Variants in STK11 observed in about 807,000 individuals in gnomAD.
The protein encoded by STK11 is serine/threonine-protein kinase STK11.
In STK11, 8 loss-of-function variants were observed where a neutral mutation model predicts 47.3. The observed-to-expected ratio is 0.17, with a 90% CI of 0.10 to 0.31. STK11 has a LOEUF of 0.31. Ranked by LOEUF, STK11 falls within the 10% of genes least tolerant of loss-of-function variation. The pLI, the probability that STK11 is intolerant of heterozygous loss-of-function variation, is 1.00. For missense variants in STK11, 475 were observed against 605.0 expected (o/e 0.79, Z 2.25); for synonymous variants, 330 against 255.8 (o/e 1.29, Z -2.77).
Position 1,206,678 on chromosome 19 carries a change from C to T in STK11, c.-236C>T, listed in dbSNP as rs1301575650. ...CGTCTGAGCCGCCGTCCCGGACCCC[C>T]GGTGCCCGCCGGTCCGCAGACCCTG... On this transcript the variant is annotated 5_prime_UTR_variant, in exon 1 of 10. Coordinates refer to ENST00000326873, the MANE Select transcript of STK11 (RefSeq NM_000455.5). The T allele has an allele frequency of 1.8e-6, 1 of 570,060 alleles. No individual in the cohort carries two copies. Among genetic ancestry groups the T allele is most frequent in the Non-Finnish European group, 3.0e-6 (1 of 334,644 alleles). 35.3% of individuals were successfully genotyped at this position (570,060 alleles called of 1,614,324 possible).
chr19:1,215,613 C>T (rs544603420), intron 1 of STK11, among the ~76,000 whole-genome samples: 3 of 152,236 alleles, frequency 2.0e-5, no homozygotes, highest in African/African-American at 7.2e-5. Flanking sequence ...TGAGGTTGCC[C>T]TGAGGGCAGT....
chr19:1,225,003 G>A (rs1194107298), intron 8 of STK11: 14 of 985,314 alleles, frequency 1.4e-5, no homozygotes, highest in African/African-American at 1.7e-5. Context: ...CTGCTGCATC[G>A]GCCTCTGCGT....
At chr19:1,207,284 C>T (rs530032355) in intron 1 of STK11, 81 bp downstream of exon 1, 1,779 of 1,490,426 alleles carry the variant, frequency 1.2e-3, no homozygotes, top group Non-Finnish European at 1.5e-3. Flanking sequence ...TTCTCTCCTC[C>T]CTCCCTCCCT....
At chr19:1,218,841 G>A (rs1380108435) in intron 2 of STK11, among the ~76,000 whole-genome samples, 2 of 152,214 alleles carry the variant, frequency 1.3e-5, no homozygotes, top group Admixed American at 6.5e-5. Context: ...GTGGCTGGGC[G>A]TGTCCTCGTG....
intron 8 of STK11, chr19:1,224,152 C>T (rs2080805153): frequency 2.0e-6 from 2 of 987,534 alleles, no homozygotes; most frequent in Non-Finnish European, 2.4e-6. Context: ...CAGGAGAGTA[C>T]AGTGTGGGGG....
intron 1 of STK11, among the ~76,000 whole-genome samples, chr19:1,212,573 T>C (rs2080718804): frequency 6.6e-6 from 1 of 151,920 alleles, no homozygotes; most frequent in African/African-American, 2.4e-5. Context: ...TTTACTTATT[T>C]ATTTATTTTT....
chr19:1,221,522 T>A, intron 6 of STK11, 182 bp downstream of exon 6: 1 of 952,618 alleles, frequency 1.0e-6, no homozygotes, highest in Non-Finnish European at 1.5e-6. Flanking sequence ...AGCTCCACCC[T>A]GCTTCTGGGC....
intron 1 of STK11, among the ~76,000 whole-genome samples, chr19:1,213,218 C>G (rs959381983): frequency 6.6e-6 from 1 of 151,558 alleles, no homozygotes; most frequent in Non-Finnish European, 1.5e-5. Context: ...AGGATGGTCT[C>G]GATCTCCTGA....
At chr19:1,208,137 C>G (rs567412425) in intron 1 of STK11, among the ~76,000 whole-genome samples, 2 of 152,138 alleles carry the variant, frequency 1.3e-5, no homozygotes, top group South Asian at 4.2e-4. Flanking sequence ...GGCTAGGCCT[C>G]GAGGGACTGG....
Position 1,223,290 on chromosome 19 carries a change from C to T in STK11, c.1108+118C>T, listed in dbSNP as rs572748438. ...TTCTGCCCTCTGGTGGCCAATCCCA[C>T]GTCCCCAAAGCCTCCAGCCCACCTG... is the stretch of plus-strand genomic sequence containing the variant. On this transcript the variant is annotated intron_variant, in intron 8 of 9. Coordinates refer to ENST00000326873, the MANE Select transcript of STK11 (RefSeq NM_000455.5). The T allele has an allele frequency of 1.7e-4, 211 of 1,265,992 alleles. 1 individual carries two copies. The African/African-American group carries it at 2.8e-3, about 17-fold the overall frequency. The allele number at this position is 1,265,992 out of a possible 1,614,324, so 78.4% of individuals were successfully genotyped here. A position where few individuals can be genotyped will look rare whatever the true frequency, so the allele number is the denominator to read the frequency against.
chr19:1,214,840 T>G (rs1243038821), intron 1 of STK11, among the ~76,000 whole-genome samples: 1 of 152,212 alleles, frequency 6.6e-6, no homozygotes, highest in Non-Finnish European at 1.5e-5. Context: ...CTGGGCCACC[T>G]TCCCTGCCGG....
chr19:1,213,623 C>T (rs1489330850), intron 1 of STK11, among the ~76,000 whole-genome samples: 1 of 152,244 alleles, frequency 6.6e-6, no homozygotes, highest in Admixed American at 6.5e-5. Flanking sequence ...TTCACGGCTG[C>T]GTCACTTTCC....
chr19:1,225,842 T>C, intron 8 of STK11: 1 of 986,064 alleles, frequency 1.0e-6, no homozygotes, highest in Non-Finnish European at 1.2e-6. Flanking sequence ...CACTTTCCCC[T>C]GCCATTGTGA....
chr19:1,214,660 A>G (rs1288372985), intron 1 of STK11, among the ~76,000 whole-genome samples: 1 of 152,180 alleles, frequency 6.6e-6, no homozygotes, highest in African/African-American at 2.4e-5. Flanking sequence ...CTGAGGCTGC[A>G]TGCAGGTTGA....
At chr19:1,209,151 G>A (rs2080691992) in intron 1 of STK11, among the ~76,000 whole-genome samples, 1 of 84,598 alleles carries the variant, frequency 1.2e-5, no homozygotes, top group Non-Finnish European at 3.0e-5. Context: ...TCTGTGAGAT[G>A]GGTTGGTCAG....
At chr19:1,219,197 G>A (rs1385375941) in intron 2 of STK11, 127 bp from the exon 3 acceptor site, 1 of 1,093,616 alleles carries the variant, frequency 9.1e-7, no homozygotes, top group Admixed American at 2.1e-5. Context: ...AGGGCAGGGT[G>A]GGCCCTGGTC....
At position 1,227,960 on chromosome 19, in the gene STK11, G is replaced by A; in HGVS notation, c.*384G>A. 9.3e-7 allele frequency: 1 copy of A among 1,069,812 alleles called. No individual in the cohort carries two copies. Among genetic ancestry groups the A allele is most frequent in the Non-Finnish European group, 1.1e-6 (1 of 882,008 alleles). The allele number at this position is 1,069,812 out of a possible 1,614,324, so 66.3% of individuals were successfully genotyped here. A position where few individuals can be genotyped will look rare whatever the true frequency, so the allele number is the denominator to read the frequency against. On this transcript the variant is annotated 3_prime_UTR_variant, in exon 10 of 10. Transcript: ENST00000326873. ...CCCCGCCGCAGACCAGCTGGCGGGT[G>A]TGGAGACCAGGCTCCTGACCCCGCC...
intron 1 of STK11, among the ~76,000 whole-genome samples, chr19:1,213,340 A>T (rs1172149299): frequency 6.6e-6 from 1 of 152,120 alleles, no homozygotes; most frequent in Non-Finnish European, 1.5e-5. Flanking sequence ...CATATAGTAC[A>T]TTGACAGAGT....
intron 1 of STK11, among the ~76,000 whole-genome samples, chr19:1,208,565 C>T (rs550749417): frequency 1.4e-4 from 21 of 149,054 alleles, no homozygotes; most frequent in African/African-American, 5.3e-4. Context: ...GCCTCGGCCT[C>T]CCAAAGTGCT....
Sources: gnomAD v4.1 joint callset for allele counts (sites outside exome capture counted in the v4.1 genomes callset) on GRCh38, gnomAD v4.1.1 for gene constraint, MANE v1.5 for transcripts, NCBI Gene and HGNC (gene_info 2026-07-23, HGNC 2026-07-21) for gene names.